The following CGGBP1 variants were observed in gnomAD, a reference collection of about 807,000 sequenced individuals.
CGGBP1 encodes the protein CGG triplet repeat-binding protein 1.
Under a neutral mutation model 11.4 loss-of-function variants are expected in CGGBP1, and 4 were observed. The ratio of observed to expected loss-of-function variants is 0.35; its 90% CI spans 0.17 to 0.80. The LOEUF is 0.80. Among genes scored for constraint, CGGBP1 ranks in the 30% least tolerant of loss-of-function variants. CGGBP1 has a pLI of 0.52. For missense variants in CGGBP1, 135 were observed against 202.1 expected, an observed-to-expected ratio of 0.67 and a Z score of 2.01; for synonymous variants, 76 against 74.1, an observed-to-expected ratio of 1.03 and a Z score of -0.13.
At chr3:88,092,243 A>G (rs1237382967) in intron 2 of CGGBP1, among the ~76,000 whole-genome samples, 1 of 152,202 alleles carries the variant, frequency 6.6e-6, no homozygotes, top group Non-Finnish European at 1.5e-5. Context: ...AATTTTTCTA[A>G]CAATTACTGC....
intron 2 of CGGBP1, chr3:88,140,865 C>T: frequency 6.2e-7 from 1 of 1,613,552 alleles, no homozygotes; most frequent in Non-Finnish European, 8.5e-7. Flanking sequence ...TATGCCAAAA[C>T]GCAGAAAATT....
At chr3:88,148,496 T>C (rs567959992) in intron 1 of CGGBP1, among the ~76,000 whole-genome samples, 1 of 152,354 alleles carries the variant, frequency 6.6e-6, no homozygotes, top group African/African-American at 2.4e-5. Context: ...ATAGCTAACA[T>C]AGCAGGCATT....
chr3:88,141,541 A>C, intron 1 of CGGBP1: 1 of 784,334 alleles, frequency 1.3e-6, no homozygotes, highest in African/African-American at 1.8e-5. Context: ...TACTAATATC[A>C]ATATCCTTTA....
chr3:88,055,696 C>T lies in CGGBP1; in HGVS notation c.281G>A (p.Ser94Asn). The T allele has an allele frequency of 6.2e-7, 1 of 1,614,212 alleles. No individual in the cohort carries two copies. The highest frequency in any genetic ancestry group is 2.2e-5 in the East Asian group (1 of 44,888). Residue 94 changes from serine to asparagine, a missense_variant, in exon 4 of 4, where the codon AGT (serine) becomes AAT (asparagine). Physicochemically the swap from Ser to Asn is conservative, Grantham distance 46. Transcript: ENST00000482016. The surrounding 1 kb of genome is among the most constrained non-coding windows in gnomAD (Gnocchi z 4.2). ...ACTGACTTTCTCTGTTTGCGCAGTACTGTTGCACTGAAGAGATGCAGTTAG... is the reference window on the plus strand; with the variant it reads ...ACTGACTTTCTCTGTTTGCGCAGTATTGTTGCACTGAAGAGATGCAGTTAG... ...RPLTASLQCN[S>N]TAQTEKVSVI...
At chr3:88,066,603 T>G (rs1707216014) in intron 2 of CGGBP1, among the ~76,000 whole-genome samples, 1 of 152,090 alleles carries the variant, frequency 6.6e-6, no homozygotes, top group African/African-American at 2.4e-5. Flanking sequence ...AAACCTCAAT[T>G]TTAATTTTGT....
At chr3:88,056,333 C>T (rs1227414620) in intron 3 of CGGBP1, 1 of 174,212 alleles carries the variant, frequency 5.7e-6, no homozygotes, top group African/African-American at 2.4e-5. Context: ...AAATTACATT[C>T]AGGATATAAA....
intron 2 of CGGBP1, among the ~76,000 whole-genome samples, chr3:88,078,125 TTGTTAAACTAGTTAG>T (rs1707910555): frequency 6.6e-6 from 1 of 152,218 alleles, no homozygotes; most frequent in Admixed American, 6.5e-5. Flanking sequence ...ACTGATTTCT[TTGTTAAACTAGTTAG>T]TAGGGTTTTG....
chr3:88,069,786 T>C (rs1214998975), intron 2 of CGGBP1, among the ~76,000 whole-genome samples: 2 of 152,242 alleles, frequency 1.3e-5, no homozygotes, highest in East Asian at 1.9e-4. Context: ...ACCAAAGTTA[T>C]GGTGACTGCA....
chr3:88,113,004 C>T, intron 2 of CGGBP1: 6 of 709,890 alleles, frequency 8.5e-6, no homozygotes, highest in East Asian at 3.0e-5. Flanking sequence ...TTTTTTAAAC[C>T]AAAATATTTT....
chr3:88,093,012 GC>G (rs1703840715), intron 2 of CGGBP1, among the ~76,000 whole-genome samples: 1 of 152,136 alleles, frequency 6.6e-6, no homozygotes, highest in African/African-American at 2.4e-5. Context: ...TCTTAAATCA[GC>G]TAATTATAAT....
intron 2 of CGGBP1, among the ~76,000 whole-genome samples, chr3:88,136,085 G>A (rs998166014): frequency 5.3e-5 from 8 of 152,058 alleles, no homozygotes; most frequent in South Asian, 2.1e-4. Context: ...CATTCTCAAA[G>A]TAAACTCCTT....
intron 2 of CGGBP1, among the ~76,000 whole-genome samples, chr3:88,128,533 AG>A: frequency 6.6e-6 from 1 of 152,144 alleles, no homozygotes; most frequent in South Asian, 2.1e-4. Context: ...AACTGAAAGA[AG>A]AAAAAAAATT....
At chr3:88,086,696 A>G (rs761917922) in intron 2 of CGGBP1, among the ~76,000 whole-genome samples, 1 of 152,206 alleles carries the variant, frequency 6.6e-6, no homozygotes, top group Non-Finnish European at 1.5e-5. Context: ...GGTAAGTCCC[A>G]GAATACAGCA....
intron 2 of CGGBP1, among the ~76,000 whole-genome samples, chr3:88,076,441 TGTCTA>T (rs1707805545): frequency 6.6e-6 from 1 of 152,202 alleles, no homozygotes; most frequent in Non-Finnish European, 1.5e-5. Context: ...TTTTGATATC[TGTCTA>T]GTCTAGCCTC....
At chr3:88,059,353 C>G (rs769847443), upstream of CGGBP1, 11 of 1,534,868 alleles carry the variant, frequency 7.2e-6, no homozygotes, top group Non-Finnish European at 9.6e-6. Flanking sequence ...AGAGGCCGAA[C>G]GCCTCGGAGA....
chr3:88,117,398 C>A (rs2107784889), intron 2 of CGGBP1, among the ~76,000 whole-genome samples: 1 of 152,046 alleles, frequency 6.6e-6, no homozygotes, highest in East Asian at 1.9e-4. Flanking sequence ...TAAATAATGT[C>A]TGGATTTTTT....
chr3:88,114,987 C>G (rs1481691748), intron 2 of CGGBP1, among the ~76,000 whole-genome samples: 2 of 152,192 alleles, frequency 1.3e-5, no homozygotes, highest in African/African-American at 4.8e-5. Context: ...AGTGCAAACC[C>G]TAGCTCCGCA....
At position 88,053,793 on chromosome 3, in the gene CGGBP1, G is replaced by A. The variant is rs1225324159; in HGVS notation, c.*1680C>T. ...GTAAACGCAAAACACATATGGTTAT[G>A]TTTTGCTGCTGGTCTCCTCATACAT... On this transcript the variant is annotated 3_prime_UTR_variant, in exon 4 of 4. Transcript: ENST00000482016. 6.6e-6 allele frequency: 1 copy of A among 152,574 alleles called. No individual in the cohort carries two copies. The highest frequency in any genetic ancestry group is 1.5e-5 in the Non-Finnish European group (1 of 67,976). 9.5% of individuals were successfully genotyped at this position (152,574 alleles called of 1,614,324 possible).
chr3:88,093,336 C>G (rs1382276239), intron 2 of CGGBP1, among the ~76,000 whole-genome samples: 1 of 152,098 alleles, frequency 6.6e-6, no homozygotes, highest in African/African-American at 2.4e-5. Flanking sequence ...AAAAGAAAAG[C>G]AAATTGTAAT....
Sources: gnomAD v4.1 joint callset for allele counts (sites outside exome capture counted in the v4.1 genomes callset) on GRCh38, gnomAD v4.1.1 for gene constraint, Gnocchi (gnomAD v3.1) non-coding constraint, MANE v1.5 for transcripts, NCBI Gene and HGNC (gene_info 2026-07-23, HGNC 2026-07-21) for gene names.